The following SNX9 variants were observed in gnomAD, a reference collection of about 807,000 sequenced individuals.
The protein encoded by SNX9 is sorting nexin-9.
SNX9 carries 44 observed loss-of-function variants against 89.4 expected under a neutral mutation model. That is an observed-to-expected ratio of 0.49 (90% CI 0.39 to 0.63). SNX9 has a LOEUF of 0.63. Ranked by LOEUF, SNX9 falls within the 30% of genes least tolerant of loss-of-function variation. The pLI, the probability that SNX9 is intolerant of heterozygous loss-of-function variation, is 0.00. For synonymous variants in SNX9, 236 were observed against 247.8 expected, an observed-to-expected ratio of 0.95 and a Z score of 0.45; for missense variants, 578 against 736.1, an observed-to-expected ratio of 0.79 and a Z score of 2.49.
chr6:157,894,106 C>CTTTTTTTTTTTTTTTTTT lies in SNX9; in HGVS notation c.301-2717_301-2700dup, dbSNP rs746909411. ...TTCTTTTTCTTTTCGCTTTTCTTTT[C>CTTTTTTTTTTTTTTTTTT]TTTTTTTTTTTTTTTTTTTTTGAGA... On this transcript the variant is annotated intron_variant, in intron 4 of 17. Coordinates refer to ENST00000392185, the MANE Select transcript of SNX9 (RefSeq NM_016224.5). Among the ~76,000 whole-genome samples, 57 of 89,562 alleles carry CTTTTTTTTTTTTTTTTTT rather than the reference C, an allele frequency of 6.4e-4. 1 individual carries two copies. The highest frequency in any genetic ancestry group is 7.7e-4 in the South Asian group (2 of 2,596). The allele number at this position is 89,562 out of a possible 152,430, so 58.8% of individuals were successfully genotyped here.
rs112548260 is a variant in SNX9 at position 157,841,962 on chromosome 6, C to A, written c.12+18516C>A. 7.3e-3 allele frequency among the ~76,000 whole-genome samples: 1,117 copies of A among 152,214 alleles called. 8 individuals carry two copies. Among genetic ancestry groups the A allele is most frequent in the Non-Finnish European group, 0.011 (765 of 68,012 alleles). On this transcript the variant is annotated intron_variant, in intron 1 of 17. Coordinates refer to ENST00000392185, the MANE Select transcript of SNX9 (RefSeq NM_016224.5). ...ACCCACCTCCACAGTGATCCTGGCC[C>A]GTTTTGTTTCCTCTAGCCTCCCCTC...
At chr6:157,926,442 C>T (rs1470020648) in intron 10 of SNX9, among the ~76,000 whole-genome samples, 1 of 151,958 alleles carries the variant, frequency 6.6e-6, no homozygotes, top group African/African-American at 2.4e-5. Flanking sequence ...AAGCATTTAC[C>T]TTTTTAGAAA....
intron 1 of SNX9, among the ~76,000 whole-genome samples, chr6:157,836,388 T>C (rs987598395): frequency 4.6e-5 from 7 of 152,310 alleles, no homozygotes; most frequent in African/African-American, 1.7e-4. Context: ...TACAGAAAGA[T>C]ATGGCAATGG....
chr6:157,929,396 A>G (rs532452096), intron 12 of SNX9, among the ~76,000 whole-genome samples: 231 of 152,314 alleles, frequency 1.5e-3, no homozygotes, highest in African/African-American at 5.3e-3. Flanking sequence ...CTGCAGAGTG[A>G]CTTGTCAGGC....
At chr6:157,902,914 C>T (rs962537667) in intron 6 of SNX9, among the ~76,000 whole-genome samples, 1 of 151,926 alleles carries the variant, frequency 6.6e-6, no homozygotes, top group Non-Finnish European at 1.5e-5. Flanking sequence ...GTGATCCGCC[C>T]GCCTCTACCT....
chr6:157,853,988 A>G (rs920943650), intron 1 of SNX9, among the ~76,000 whole-genome samples: 3 of 152,216 alleles, frequency 2.0e-5, no homozygotes. Flanking sequence ...ATTTGAACCT[A>G]TGTGCCTGGC....
In SNX9 at chr6:157,936,017, A is replaced by AT. The variant is rs754579403; in HGVS notation, c.1422dup (p.Ala475CysfsTer19). 1 of 1,612,702 alleles carries AT rather than the reference A, an allele frequency of 6.2e-7. No individual in the cohort carries two copies. Among genetic ancestry groups the AT allele is most frequent in the Non-Finnish European group, 8.5e-7 (1 of 1,179,320 alleles). ...AGAAGCAGGAAAGACTTATGAAGAA[A>AT]TTGCCAGTCTCGTGGCAGAACAGGT... On this transcript the variant is annotated frameshift_variant, in exon 14 of 18. Coordinates refer to ENST00000392185, the MANE Select transcript of SNX9 (RefSeq NM_016224.5). LOFTEE classifies it high-confidence loss of function.
intron 1 of SNX9, among the ~76,000 whole-genome samples, chr6:157,842,189 C>T (rs1356560368): frequency 6.6e-6 from 1 of 152,126 alleles, no homozygotes; most frequent in African/African-American, 2.4e-5. Context: ...ATTAAGTTTG[C>T]TGTATCTATT....
chr6:157,834,592 C>G (rs1431861546), intron 1 of SNX9, among the ~76,000 whole-genome samples: 1 of 151,834 alleles, frequency 6.6e-6, no homozygotes, highest in Non-Finnish European at 1.5e-5. Context: ...TAGGCTCAAA[C>G]GATCCTCCTG....
Position 157,823,380 on chromosome 6 carries a change from C to G in SNX9, c.-55C>G. 6.3e-6 allele frequency: 8 copies of G among 1,271,220 alleles called. No homozygotes were observed. The highest frequency in any genetic ancestry group is 8.0e-6 in the Non-Finnish European group (8 of 1,000,380). 78.7% of individuals were successfully genotyped at this position (1,271,220 alleles called of 1,614,324 possible). ...CCTTTGCCTGCGCGGCTCAGAATCA[C>G]CATCCGCGGCGCGGGAGACGAGCCG... On this transcript the variant is annotated 5_prime_UTR_variant, in exon 1 of 18. Coordinates refer to ENST00000392185, the MANE Select transcript of SNX9 (RefSeq NM_016224.5). This position sits in a 1 kb window ranked among gnomAD's most constrained non-coding sequence, Gnocchi z 4.6.
intron 4 of SNX9, among the ~76,000 whole-genome samples, chr6:157,879,813 C>G (rs531955751): frequency 6.6e-6 from 1 of 152,292 alleles, no homozygotes; most frequent in Admixed American, 6.5e-5. Flanking sequence ...ATCTTAAACT[C>G]TCAGATTACT....
chr6:157,844,482 T>C (rs1200728505), intron 1 of SNX9, among the ~76,000 whole-genome samples: 1 of 151,450 alleles, frequency 6.6e-6, no homozygotes, highest in African/African-American at 2.4e-5. Context: ...GTCTGCAAAG[T>C]ATCTCAAGCA....
At chr6:157,887,740 G>A (rs1002341486) in intron 4 of SNX9, among the ~76,000 whole-genome samples, 12 of 152,152 alleles carry the variant, frequency 7.9e-5, no homozygotes, top group African/African-American at 2.4e-4. Flanking sequence ...TCTGCTTTGC[G>A]TATTAACTGA....
chr6:157,855,701 T>A (rs1467920294), intron 1 of SNX9, among the ~76,000 whole-genome samples: 2 of 152,180 alleles, frequency 1.3e-5, no homozygotes, highest in Non-Finnish European at 2.9e-5. Flanking sequence ...TGTTATGAAT[T>A]GCAGACATTT....
chr6:157,937,626 C>G (rs1583249175), intron 15 of SNX9, 103 bp downstream of exon 15: 1 of 492,026 alleles, frequency 2.0e-6, no homozygotes, highest in Non-Finnish European at 3.4e-6. Context: ...AAAAAAGAAA[C>G]AATCTATAAT....
intron 1 of SNX9, among the ~76,000 whole-genome samples, chr6:157,832,154 A>G (rs1361164971): frequency 6.6e-6 from 1 of 152,238 alleles, no homozygotes; most frequent in Non-Finnish European, 1.5e-5. Flanking sequence ...AGTTATTTGT[A>G]GTATCTGAAA....
chr6:157,888,214 G>C (rs1167454385), intron 4 of SNX9, among the ~76,000 whole-genome samples: 1 of 152,152 alleles, frequency 6.6e-6, no homozygotes, highest in Non-Finnish European at 1.5e-5. Flanking sequence ...AAAGCAAAAG[G>C]TTCAGAATAT....
intron 17 of SNX9, among the ~76,000 whole-genome samples, chr6:157,941,408 A>G (rs996507692): frequency 6.6e-6 from 1 of 152,246 alleles, no homozygotes; most frequent in African/African-American, 2.4e-5. Context: ...AGGTTTTCAC[A>G]GTGCGCCATG....
At chr6:157,832,749 G>A (rs1041244491) in intron 1 of SNX9, among the ~76,000 whole-genome samples, 1 of 152,120 alleles carries the variant, frequency 6.6e-6, no homozygotes, top group Non-Finnish European at 1.5e-5. Flanking sequence ...CAGCATGGGG[G>A]TAACTGCCCC....
Sources: gnomAD v4.1 joint callset for allele counts (sites outside exome capture counted in the v4.1 genomes callset) on GRCh38, gnomAD v4.1.1 for gene constraint, Gnocchi (gnomAD v3.1) non-coding constraint, MANE v1.5 for transcripts, NCBI Gene and HGNC (gene_info 2026-07-23, HGNC 2026-07-21) for gene names.